CLSTN1: variants seen among roughly 807,000 people sequenced by gnomAD.
CLSTN1 encodes calsyntenin-1.
CLSTN1 carries 28 observed loss-of-function variants against 108.3 expected under a neutral mutation model. That is an observed-to-expected ratio of 0.26 (90% CI 0.19 to 0.35). The LOEUF (loss-of-function observed/expected upper bound fraction) is 0.35, where lower values mean the gene tolerates loss of function less well. CLSTN1 is among the 10% of genes least tolerant of loss of function. The pLI is 1.00. For synonymous variants in CLSTN1, 524 were observed against 534.9 expected (o/e 0.98, Z 0.28); for missense variants, 1,157 against 1,302.6 (o/e 0.89, Z 1.72).
intron 1 of CLSTN1, 139 bp from the exon 2 acceptor site, chr1:9,773,533 A>G (rs894974769): frequency 6.3e-6 from 5 of 788,958 alleles, no homozygotes; most frequent in Non-Finnish European, 7.3e-6. Context: ...GTTCTGTCGC[A>G]AAATTTGGTA....
intron 1 of CLSTN1, among the ~76,000 whole-genome samples, chr1:9,799,469 G>A (rs1211896802): frequency 9.2e-5 from 14 of 151,764 alleles, no homozygotes; most frequent in Middle Eastern, 3.2e-3. Context: ...GTGAAACCCC[G>A]TCTCTACTAA....
chr1:9,780,414 T>G (rs1653187145), intron 1 of CLSTN1, among the ~76,000 whole-genome samples: 1 of 151,922 alleles, frequency 6.6e-6, no homozygotes, highest in Admixed American at 6.6e-5. Flanking sequence ...CCATGATGAG[T>G]AGTAACGTAA....
At chr1:9,785,379 T>C (rs1052571071) in intron 1 of CLSTN1, among the ~76,000 whole-genome samples, 1 of 152,120 alleles carries the variant, frequency 6.6e-6, no homozygotes, top group African/African-American at 2.4e-5. Context: ...AATCTCTGTA[T>C]GCACAGGTTT....
At chr1:9,757,726 T>G (rs1452520640) in intron 2 of CLSTN1, among the ~76,000 whole-genome samples, 4 of 152,178 alleles carry the variant, frequency 2.6e-5, no homozygotes, top group Admixed American at 6.5e-5. Context: ...TCTCATTACA[T>G]GAAAGCTCTG....
At position 9,731,194 on chromosome 1, in the gene CLSTN1, G is replaced by A. The variant is rs750191693; in HGVS notation, c.2748+12C>T. The stretch of plus-strand genomic sequence containing the variant: ...TGCCTCTCAGTCCTGGAGGTCGCCC[G>A]CCCACTCCTACCTCCATGGGGTTGA... On this transcript the variant is annotated intron_variant, in intron 18 of 18. Coordinates refer to ENST00000377298, the MANE Select transcript of CLSTN1 (RefSeq NM_001009566.3). 10 of 1,613,902 alleles carry A rather than the reference G, an allele frequency of 6.2e-6. No individual in the cohort carries two copies. The highest frequency in any genetic ancestry group is 2.7e-5 in the African/African-American group (2 of 74,936).
chr1:9,788,921 T>C (rs1208033323), intron 1 of CLSTN1, among the ~76,000 whole-genome samples: 1 of 150,164 alleles, frequency 6.7e-6, no homozygotes, highest in Non-Finnish European at 1.5e-5. Context: ...GTACCTCATA[T>C]GAGTGGGATC....
intron 3 of CLSTN1, among the ~76,000 whole-genome samples, chr1:9,755,758 G>A (rs1330312884): frequency 1.3e-5 from 2 of 151,148 alleles, no homozygotes; most frequent in East Asian, 3.9e-4. Context: ...AGGAGGAAGC[G>A]TGAGATATAG....
intron 18 of CLSTN1, 131 bp downstream of exon 18, chr1:9,731,074 TA>T: frequency 9.1e-7 from 1 of 1,099,076 alleles, no homozygotes; most frequent in Non-Finnish European, 1.4e-6. Flanking sequence ...CGAAGACACC[TA>T]AGCCCCAGGC....
intron 1 of CLSTN1, among the ~76,000 whole-genome samples, chr1:9,816,654 CTTTT>C (rs1163617751): frequency 6.7e-6 from 1 of 150,038 alleles, no homozygotes. Flanking sequence ...CAAAAGTGGT[CTTTT>C]TTTTTGAGAT....
chr1:9,747,294 A>G (rs1326911869), intron 7 of CLSTN1, among the ~76,000 whole-genome samples: 2 of 151,898 alleles, frequency 1.3e-5, no homozygotes, highest in African/African-American at 4.8e-5. Flanking sequence ...ATGAAATGAG[A>G]GACGGAATAA....
At position 9,749,646 on chromosome 1, in the gene CLSTN1, C is replaced by T. The variant is rs781763162; in HGVS notation, c.800G>A (p.Gly267Glu). Residue 267 changes from glycine to glutamate, a missense_variant and splice_region_variant, in exon 7 of 19, where the codon GGA becomes GAA. Coordinates refer to ENST00000377298, the MANE Select transcript of CLSTN1 (RefSeq NM_001009566.3). ...CTCATACTCAATCCTGTTGTTCCATCCTGTGTTGGTCCACAAGTCAGCAGG... is the reference window on the plus strand; with the variant it reads ...CTCATACTCAATCCTGTTGTTCCATTCTGTGTTGGTCCACAAGTCAGCAGG... ...IKPTCTPGWQ[G>E]WNNRIEYEPG... is the part of the protein sequence containing the mutation. 2.5e-6 allele frequency: 4 copies of T among 1,613,504 alleles called. No homozygotes were observed. The highest frequency in any genetic ancestry group is 3.4e-6 in the Non-Finnish European group (4 of 1,179,648).
At chr1:9,739,866 G>C (rs1241482364) in intron 10 of CLSTN1, among the ~76,000 whole-genome samples, 4 of 149,240 alleles carry the variant, frequency 2.7e-5, no homozygotes, top group Non-Finnish European at 5.9e-5. Context: ...ACCTAGGCTG[G>C]AGTGCAGTGG....
chr1:9,751,452 A>G (rs770834249), intron 5 of CLSTN1, 21 bp downstream of exon 5: 2 of 1,612,976 alleles, frequency 1.2e-6, no homozygotes, highest in African/African-American at 2.7e-5. Context: ...CTAGCTGAAA[A>G]GCCGGCTCCT....
intron 1 of CLSTN1, among the ~76,000 whole-genome samples, chr1:9,784,288 A>G (rs887078202): frequency 3.3e-5 from 5 of 151,560 alleles, no homozygotes; most frequent in African/African-American, 1.2e-4. Flanking sequence ...CGTTGCAGTG[A>G]GCAGAGATTG....
intron 1 of CLSTN1, among the ~76,000 whole-genome samples, chr1:9,799,908 T>A (rs1654181046): frequency 6.6e-6 from 1 of 152,126 alleles, no homozygotes; most frequent in South Asian, 2.1e-4. Context: ...GCCACTGCAC[T>A]CTAGCCTGGG....
At chr1:9,768,206 G>A (rs920681461) in intron 2 of CLSTN1, among the ~76,000 whole-genome samples, 1 of 150,460 alleles carries the variant, frequency 6.6e-6, no homozygotes, top group Admixed American at 6.6e-5. Context: ...CCATGGGGGC[G>A]GGGTTGTCCT....
At chr1:9,753,549 T>C (rs1651660801) in intron 4 of CLSTN1, among the ~76,000 whole-genome samples, 1 of 151,686 alleles carries the variant, frequency 6.6e-6, no homozygotes, top group Admixed American at 6.6e-5. Flanking sequence ...TGGAGTGCAA[T>C]GATGTGATCT....
At chr1:9,766,455 C>T (rs1335310429) in intron 2 of CLSTN1, among the ~76,000 whole-genome samples, 1 of 152,034 alleles carries the variant, frequency 6.6e-6, no homozygotes, top group Non-Finnish European at 1.5e-5. Flanking sequence ...GCCAGGAGTT[C>T]GAGACCAGCC....
At chr1:9,780,327 T>G (rs1653183771) in intron 1 of CLSTN1, among the ~76,000 whole-genome samples, 1 of 152,186 alleles carries the variant, frequency 6.6e-6, no homozygotes, top group African/African-American at 2.4e-5. Context: ...CTCCTGAGAC[T>G]TAAACTAAAT....
Sources: gnomAD v4.1 joint callset for allele counts (sites outside exome capture counted in the v4.1 genomes callset) on GRCh38, gnomAD v4.1.1 for gene constraint, MANE v1.5 for transcripts, NCBI Gene and HGNC (gene_info 2026-07-23, HGNC 2026-07-21) for gene names.